The following IL1RAPL2 variants were observed in gnomAD, a reference collection of about 807,000 sequenced individuals.
IL1RAPL2 encodes X-linked interleukin-1 receptor accessory protein-like 2.
A neutral mutation model predicts 44.1 loss-of-function variants in IL1RAPL2; 3 were observed. The ratio of observed to expected loss-of-function variants is 0.07; its 90% CI spans 0.03 to 0.18. The LOEUF (loss-of-function observed/expected upper bound fraction) is 0.18, where lower values mean the gene tolerates loss of function less well. Among genes scored for constraint, IL1RAPL2 ranks in the 10% least tolerant of loss-of-function variants. IL1RAPL2 has a pLI of 1.00. For missense variants in IL1RAPL2, 391 were observed against 496.4 expected, an observed-to-expected ratio of 0.79 and a Z score of 2.02; for synonymous variants, 181 against 178.8, an observed-to-expected ratio of 1.01 and a Z score of -0.10.
intron 5 of IL1RAPL2, among the ~76,000 whole-genome samples, chrX:105,400,107 A>C (rs1320789451): frequency 8.9e-6 from 1 of 111,771 alleles, no homozygotes; most frequent in Non-Finnish European, 1.9e-5. Context: ...CTTACAAACC[A>C]TGTTAATGAG....
intron 2 of IL1RAPL2, among the ~76,000 whole-genome samples, chrX:104,817,242 C>A (rs1921161117): frequency 8.9e-6 from 1 of 112,469 alleles, no homozygotes; most frequent in Admixed American, 9.4e-5. Context: ...GAGCTACAGC[C>A]AAACAAGGTA....
At chrX:105,741,780 G>A (rs971820283) in intron 8 of IL1RAPL2, among the ~76,000 whole-genome samples, 1 of 111,945 alleles carries the variant, frequency 8.9e-6, no homozygotes, top group Non-Finnish European at 1.9e-5. Context: ...TCCTGGTTCA[G>A]TAGGACTGAC....
At chrX:104,673,937 T>C (rs1230111675) in intron 2 of IL1RAPL2, among the ~76,000 whole-genome samples, 10 of 110,973 alleles carry the variant, frequency 9.0e-5, no homozygotes, top group African/African-American at 2.6e-4. Context: ...GTGATTTTTG[T>C]ACATTGATTT....
chrX:104,884,088 C>T (rs1923158498), intron 2 of IL1RAPL2, among the ~76,000 whole-genome samples: 1 of 110,032 alleles, frequency 9.1e-6, no homozygotes, highest in African/African-American at 3.4e-5. Flanking sequence ...TCTCAGTCCT[C>T]TTTGTGGTCT....
chrX:105,206,123 G>A lies in IL1RAPL2; in HGVS notation c.356+10375G>A, dbSNP rs73245765. On this transcript the variant is annotated intron_variant, in intron 3 of 10. Transcript: ENST00000372582. ...CATGGTGCTATTAACTGAGAGAGAAGACCTGGAGATGAACAAAGATCATAG... is the reference window on the plus strand; with the variant it reads ...CATGGTGCTATTAACTGAGAGAGAAAACCTGGAGATGAACAAAGATCATAG... 1.7e-3 allele frequency among the ~76,000 whole-genome samples: 193 copies of A among 111,136 alleles called. 1 individual carries two copies. The highest frequency in any genetic ancestry group is 9.1e-3 in the Middle Eastern group (2 of 219).
intron 2 of IL1RAPL2, among the ~76,000 whole-genome samples, chrX:105,137,342 A>G (rs2033085431): frequency 8.9e-6 from 1 of 112,495 alleles, no homozygotes; most frequent in African/African-American, 3.2e-5. Flanking sequence ...CAGATGTAGA[A>G]CATTTCTACC....
At chrX:105,227,978 A>G (rs2034033875) in intron 3 of IL1RAPL2, among the ~76,000 whole-genome samples, 1 of 111,280 alleles carries the variant, frequency 9.0e-6, no homozygotes. Context: ...TATTTTTCTA[A>G]TGATTTTTGA....
At chrX:105,038,613 G>A (rs909526389) in intron 2 of IL1RAPL2, among the ~76,000 whole-genome samples, 2 of 110,058 alleles carry the variant, frequency 1.8e-5, no homozygotes, top group African/African-American at 3.3e-5. Context: ...TGCATGTCTC[G>A]GAGGTTTTGG....
intron 2 of IL1RAPL2, among the ~76,000 whole-genome samples, chrX:105,111,142 C>T (rs1161794571): frequency 1.8e-5 from 2 of 110,239 alleles, no homozygotes; most frequent in African/African-American, 6.6e-5. Context: ...TGGTGGCTCC[C>T]GCCTGTAATA....
chrX:105,091,481 C>T (rs1385629507), intron 2 of IL1RAPL2, among the ~76,000 whole-genome samples: 1 of 110,949 alleles, frequency 9.0e-6, no homozygotes, highest in Non-Finnish European at 1.9e-5. Context: ...CAGGATTGTT[C>T]CAAGATTAAC....
intron 2 of IL1RAPL2, among the ~76,000 whole-genome samples, chrX:104,904,239 A>G (rs1923906682): frequency 9.0e-6 from 1 of 110,597 alleles, no homozygotes; most frequent in Non-Finnish European, 1.9e-5. Context: ...ATATATATAT[A>G]TATATGCATA....
At chrX:104,887,215 G>A (rs778795851) in intron 2 of IL1RAPL2, among the ~76,000 whole-genome samples, 2 of 112,315 alleles carry the variant, frequency 1.8e-5, no homozygotes, top group East Asian at 5.6e-4. Context: ...AGACCCAGAG[G>A]GCAAATACTC....
intron 6 of IL1RAPL2, among the ~76,000 whole-genome samples, chrX:105,679,723 T>C (rs2037906706): frequency 8.9e-6 from 1 of 111,790 alleles, no homozygotes; most frequent in Non-Finnish European, 1.9e-5. Flanking sequence ...CCAAAACATA[T>C]CAATTTTTAC....
intron 10 of IL1RAPL2, among the ~76,000 whole-genome samples, chrX:105,757,327 C>T (rs1270674425): frequency 8.9e-6 from 1 of 112,059 alleles, no homozygotes; most frequent in Admixed American, 9.5e-5. Context: ...TGTATAATCA[C>T]TTATTTGACA....
chrX:105,727,755 T>C (rs1442987722), intron 7 of IL1RAPL2, among the ~76,000 whole-genome samples: 1 of 111,938 alleles, frequency 8.9e-6, no homozygotes, highest in Non-Finnish European at 1.9e-5. Flanking sequence ...GAGACGGTAT[T>C]TGTTTATTAA....
chrX:105,745,471 A>C (rs754267087), intron 8 of IL1RAPL2, among the ~76,000 whole-genome samples: 1 of 111,673 alleles, frequency 9.0e-6, no homozygotes, highest in African/African-American at 3.3e-5. Flanking sequence ...TTGATTGTTC[A>C]CAGTTCTGGA....
intron 2 of IL1RAPL2, among the ~76,000 whole-genome samples, chrX:104,888,234 G>A (rs1399433301): frequency 1.2e-4 from 9 of 77,229 alleles, no homozygotes; most frequent in African/African-American, 4.3e-4. Flanking sequence ...GAGACAGAAA[G>A]TCAGAGAGAG....
intron 5 of IL1RAPL2, among the ~76,000 whole-genome samples, chrX:105,477,030 A>T (rs2036202052): frequency 8.9e-6 from 1 of 112,333 alleles, no homozygotes. Context: ...GAGAGAAGGT[A>T]CAAGTGTCTT....
intron 2 of IL1RAPL2, among the ~76,000 whole-genome samples, chrX:104,853,720 G>A (rs1317104566): frequency 9.2e-6 from 1 of 108,337 alleles, no homozygotes; most frequent in African/African-American, 3.4e-5. Context: ...TGGCTAACAC[G>A]GTGAAACCCC....
Sources: gnomAD v4.1 joint callset for allele counts (sites outside exome capture counted in the v4.1 genomes callset) on GRCh38, gnomAD v4.1.1 for gene constraint, MANE v1.5 for transcripts, NCBI Gene and HGNC (gene_info 2026-07-23, HGNC 2026-07-21) for gene names.